C14orf132: variants seen among roughly 807,000 people sequenced by gnomAD.
C14orf132 encodes uncharacterized protein C14orf132.
C14orf132 carries 6 observed loss-of-function variants against 5.8 expected under a neutral mutation model. The ratio of observed to expected loss-of-function variants is 1.03; its 90% CI spans 0.57 to 2.04. The LOEUF is 2.04. Among genes scored for constraint, C14orf132 ranks in the 30% most tolerant of loss-of-function variants. The probability of loss-of-function intolerance (pLI) is 0.00; values close to 1 mark genes in which losing one functional copy is unlikely to be tolerated. For missense variants in C14orf132, 125 were observed against 115.8 expected (o/e 1.08, Z -0.37); for synonymous variants, 51 against 49.8 (o/e 1.02, Z -0.10).
intron 1 of C14orf132, among the ~76,000 whole-genome samples, chr14:96,069,964 C>T (rs1441801352): frequency 6.6e-6 from 1 of 152,228 alleles, no homozygotes; most frequent in Non-Finnish European, 1.5e-5. Flanking sequence ...CCTTCCAAGA[C>T]CCCGTGGAGG....
At chr14:96,078,564 G>A (rs1429560100) in intron 1 of C14orf132, among the ~76,000 whole-genome samples, 1 of 152,114 alleles carries the variant, frequency 6.6e-6, no homozygotes, top group Non-Finnish European at 1.5e-5. Flanking sequence ...TATCTGTGCC[G>A]GCACCGCAAG....
At position 96,091,442 on chromosome 14, in the gene C14orf132, G is replaced by C. The variant is rs1888402551; in HGVS notation, c.*4707G>C. 5.1e-6 allele frequency: 1 copy of C among 195,656 alleles called. No individual in the cohort carries two copies. The highest frequency in any genetic ancestry group is 2.4e-5 in the African/African-American group (1 of 42,360). 12.1% of individuals were successfully genotyped at this position (195,656 alleles called of 1,614,324 possible). On this transcript the variant is annotated 3_prime_UTR_variant, in exon 2 of 2. Coordinates refer to ENST00000555004, the MANE Select transcript of C14orf132 (RefSeq NM_001252507.3). ...TGGAAAATTAGTGGAGAGCTGACAAGTGTCTGGGCTCCTGGCCCAGGGGTC... is the reference window on the plus strand; with the variant it reads ...TGGAAAATTAGTGGAGAGCTGACAACTGTCTGGGCTCCTGGCCCAGGGGTC...
chr14:96,074,019 G>A (rs1471772474), intron 1 of C14orf132, among the ~76,000 whole-genome samples: 1 of 152,170 alleles, frequency 6.6e-6, no homozygotes, highest in Non-Finnish European at 1.5e-5. Context: ...GGACACTGGG[G>A]CCTGTTGGGA....
chr14:96,071,341 G>C (rs1172901089), intron 1 of C14orf132, among the ~76,000 whole-genome samples: 1 of 152,070 alleles, frequency 6.6e-6, no homozygotes, highest in Non-Finnish European at 1.5e-5. Context: ...CACAACACAT[G>C]GGGATTTGGG....
intron 1 of C14orf132, among the ~76,000 whole-genome samples, chr14:96,060,754 A>C (rs1357051857): frequency 6.6e-6 from 1 of 152,096 alleles, no homozygotes; most frequent in East Asian, 1.9e-4. Context: ...AGTGCCAGGG[A>C]CTCAGCCCAG....
In C14orf132 at chr14:96,039,446, G is replaced by A. The variant is rs1886621334; in HGVS notation, c.-55G>A. 2.7e-6 allele frequency: 4 copies of A among 1,469,592 alleles called. No individual in the cohort carries two copies. Among genetic ancestry groups the A allele is most frequent in the Non-Finnish European group, 3.6e-6 (4 of 1,109,820 alleles). The allele number at this position is 1,469,592 out of a possible 1,614,324, so 91.0% of individuals were successfully genotyped here. A position where few individuals can be genotyped will look rare whatever the true frequency, so the allele number is the denominator to read the frequency against. Reference sequence around the variant, plus strand: ...ATCCCCGCCAACTGTGCAGGCGGCTGACCCGCAGCGGCAGCGGCAGCAGCG... The same window carrying A: ...ATCCCCGCCAACTGTGCAGGCGGCTAACCCGCAGCGGCAGCGGCAGCAGCG... On this transcript the variant is annotated 5_prime_UTR_variant, in exon 1 of 2. Transcript: ENST00000555004. The surrounding 1 kb of genome is among the most constrained non-coding windows in gnomAD (Gnocchi z 5.3).
In C14orf132 at chr14:96,092,709, G is replaced by A. The variant is rs940948455; in HGVS notation, c.*5974G>A. The A allele has an allele frequency of 1.3e-5, 2 of 152,238 alleles. No homozygotes were observed. Among genetic ancestry groups the A allele is most frequent in the African/African-American group, 4.8e-5 (2 of 41,462 alleles). 9.4% of individuals were successfully genotyped at this position (152,238 alleles called of 1,614,324 possible). A position where few individuals can be genotyped will look rare whatever the true frequency, so the allele number is the denominator to read the frequency against. On this transcript the variant is annotated 3_prime_UTR_variant, in exon 2 of 2. Transcript: ENST00000555004. ...GAGAGGCTTGAGAGTGTTGCCAGGTGGAGCTTTTCAGGAGACAGGGGTCTT... is the reference window on the plus strand; with the variant it reads ...GAGAGGCTTGAGAGTGTTGCCAGGTAGAGCTTTTCAGGAGACAGGGGTCTT...
At chr14:96,066,578 T>A (rs1279248471) in intron 1 of C14orf132, among the ~76,000 whole-genome samples, 1 of 151,218 alleles carries the variant, frequency 6.6e-6, no homozygotes, top group Non-Finnish European at 1.5e-5. Context: ...TGGGTAAACT[T>A]TTTTTTTTAA....
At position 96,090,261 on chromosome 14, in the gene C14orf132, A is replaced by G. The variant is rs1364007942; in HGVS notation, c.*3526A>G. The G allele has an allele frequency of 5.7e-6, 1 of 175,346 alleles. No individual in the cohort carries two copies. Among genetic ancestry groups the G allele is most frequent in the African/African-American group, 2.4e-5 (1 of 41,548 alleles). 10.9% of individuals were successfully genotyped at this position (175,346 alleles called of 1,614,324 possible). A position where few individuals can be genotyped will look rare whatever the true frequency, so the allele number is the denominator to read the frequency against. ...ACAAAAATTAACCAGACATTGTGGC[A>G]TGTGCCTGTAATCCCAGCTACTCAG... On this transcript the variant is annotated 3_prime_UTR_variant, in exon 2 of 2. Coordinates refer to ENST00000555004, the MANE Select transcript of C14orf132 (RefSeq NM_001252507.3).
At position 96,092,700 on chromosome 14, in the gene C14orf132, T is replaced by C. The variant is rs1888454532; in HGVS notation, c.*5965T>C. 6.6e-6 allele frequency: 1 copy of C among 152,236 alleles called. No homozygotes were observed. The highest frequency in any genetic ancestry group is 1.5e-5 in the Non-Finnish European group (1 of 68,056). 9.4% of individuals were successfully genotyped at this position (152,236 alleles called of 1,614,324 possible). On this transcript the variant is annotated 3_prime_UTR_variant, in exon 2 of 2. Coordinates refer to ENST00000555004, the MANE Select transcript of C14orf132 (RefSeq NM_001252507.3). ...TGAATCTCTGAGAGGCTTGAGAGTG[T>C]TGCCAGGTGGAGCTTTTCAGGAGAC...
At chr14:96,048,467 C>T (rs960056368) in intron 1 of C14orf132, among the ~76,000 whole-genome samples, 1 of 152,118 alleles carries the variant, frequency 6.6e-6, no homozygotes. Context: ...TGGCTGCTTT[C>T]ACTTAGTAAT....
chr14:96,059,910 C>A (rs934776523), intron 1 of C14orf132, among the ~76,000 whole-genome samples: 2 of 152,232 alleles, frequency 1.3e-5, no homozygotes, highest in African/African-American at 2.4e-5. Context: ...CATGAGCAGA[C>A]CCCATCTCTA....
intron 1 of C14orf132, among the ~76,000 whole-genome samples, chr14:96,068,639 C>T (rs1788193671): frequency 6.6e-6 from 1 of 152,160 alleles, no homozygotes; most frequent in South Asian, 2.1e-4. Flanking sequence ...GCTTACTACC[C>T]CTGGGAGGAA....
Position 96,086,762 on chromosome 14 carries a change from G to T in C14orf132, c.*27G>T. 1.3e-6 allele frequency: 2 copies of T among 1,530,114 alleles called. 1 individual carries two copies. Among genetic ancestry groups the T allele is most frequent in the South Asian group, 2.4e-5 (2 of 83,832 alleles). The allele number at this position is 1,530,114 out of a possible 1,614,324, so 94.8% of individuals were successfully genotyped here. ...GACGGCACACCCTGCACCACCATGGGGTGAGGCTTGGCACGTAGCTCTGAC... is the reference window on the plus strand; with the variant it reads ...GACGGCACACCCTGCACCACCATGGTGTGAGGCTTGGCACGTAGCTCTGAC... On this transcript the variant is annotated 3_prime_UTR_variant, in exon 2 of 2. Transcript: ENST00000555004.
In C14orf132 at chr14:96,092,626, C is replaced by A. The variant is rs968551206; in HGVS notation, c.*5891C>A. 52 of 133,524 alleles carry A rather than the reference C, an allele frequency of 3.9e-4. No individual in the cohort carries two copies. The highest frequency in any genetic ancestry group is 1.3e-3 in the African/African-American group (47 of 35,346). The allele number at this position is 133,524 out of a possible 1,614,324, so 8.3% of individuals were successfully genotyped here. On this transcript the variant is annotated 3_prime_UTR_variant, in exon 2 of 2. Transcript: ENST00000555004. Reference sequence around the variant, plus strand: ...ACAATGCAGATGGTTCTGACAAGGGCTCTATATGCTGGCAGAAGGGAGCTT... The same window carrying A: ...ACAATGCAGATGGTTCTGACAAGGGATCTATATGCTGGCAGAAGGGAGCTT...
chr14:96,077,726 C>T (rs1951804), intron 1 of C14orf132, among the ~76,000 whole-genome samples: 123,204 of 152,190 alleles, frequency 0.81, 50,210 homozygotes, highest in East Asian at 0.97. Flanking sequence ...TTTAGAGCAT[C>T]GCTTTGTTTT....
chr14:96,086,418 G>A, intron 1 of C14orf132, 93 bp from the exon 2 acceptor site: 1 of 1,116,468 alleles, frequency 9.0e-7, no homozygotes, highest in South Asian at 1.5e-5. Flanking sequence ...GTAGCTTCAT[G>A]TGGGGTTGTT....
intron 1 of C14orf132, among the ~76,000 whole-genome samples, chr14:96,048,737 G>A (rs1019526622): frequency 6.6e-6 from 1 of 152,042 alleles, no homozygotes; most frequent in Non-Finnish European, 1.5e-5. Context: ...TGTTGGCCAG[G>A]CTGGTCTCTA....
At position 96,088,397 on chromosome 14, in the gene C14orf132, G is replaced by A. The variant is rs1888274979; in HGVS notation, c.*1662G>A. The A allele has an allele frequency of 2.0e-5, 3 of 152,182 alleles. No individual in the cohort carries two copies. Among genetic ancestry groups the A allele is most frequent in the Admixed American group, 1.3e-4 (2 of 15,284 alleles). The allele number at this position is 152,182 out of a possible 1,614,324, so 9.4% of individuals were successfully genotyped here. A position where few individuals can be genotyped will look rare whatever the true frequency, so the allele number is the denominator to read the frequency against. On this transcript the variant is annotated 3_prime_UTR_variant, in exon 2 of 2. Transcript: ENST00000555004. ...GTGCATCAGCTTAAGGGGAGGTCAC[G>A]AGTGCAAAAGAACCTGACCCTTGAC...
Sources: allele counts gnomAD v4.1 joint callset (sites outside exome capture counted in the v4.1 genomes callset), GRCh38; gene constraint gnomAD v4.1.1; non-coding constraint Gnocchi (gnomAD v3.1); transcripts MANE v1.5; gene names NCBI Gene and HGNC (gene_info 2026-07-23, HGNC 2026-07-21).